Variants in MEAK7 observed in about 807,000 individuals in gnomAD.
MEAK7 encodes MTOR-associated protein MEAK7.
Under a neutral mutation model 40.5 loss-of-function variants are expected in MEAK7, and 68 were observed. The ratio of observed to expected loss-of-function variants is 1.68; its 90% confidence interval spans 1.38 to 2.06. MEAK7 has a LOEUF of 2.06. Among genes scored for constraint, MEAK7 ranks in the 30% most tolerant of loss-of-function variants. The pLI is 0.00. For missense variants in MEAK7, 918 were observed against 580.5 expected, an observed-to-expected ratio of 1.58 and a Z score of -5.98; for synonymous variants, 338 against 231.9, an observed-to-expected ratio of 1.46 and a Z score of -4.16.
rs754709743 is a variant in MEAK7, at chr16:84,482,724, G to C, written c.959-14C>G. On this transcript the variant is annotated splice_polypyrimidine_tract_variant and intron_variant, in intron 5 of 7. Coordinates refer to ENST00000343629, the MANE Select transcript of MEAK7 (RefSeq NM_020947.4). The stretch of plus-strand genomic sequence containing the variant: ...ATCTGTTGTCCCCTGAAAGTAGCCA[G>C]AGAACAAAACAAACAGGGTCGGTGT... The C allele has an allele frequency of 1.4e-5, 22 of 1,613,744 alleles. No homozygotes were observed. The East Asian group carries it at 2.9e-4, about 21-fold the overall frequency.
At chr16:84,485,338 G>T (rs991343041) in intron 5 of MEAK7, among the ~76,000 whole-genome samples, 3 of 152,190 alleles carry the variant, frequency 2.0e-5, no homozygotes, top group African/African-American at 7.2e-5. Context: ...TAGAAACAAT[G>T]CAATCTAGGA....
chr16:84,501,899 C>G (rs983955131), intron 1 of MEAK7, among the ~76,000 whole-genome samples: 1 of 152,164 alleles, frequency 6.6e-6, no homozygotes, highest in African/African-American at 2.4e-5. Flanking sequence ...AATCCCAGCA[C>G]TTTGGGAGGC....
chr16:84,488,277 A>T (rs1166758382), intron 4 of MEAK7: 1 of 152,212 alleles, frequency 6.6e-6, no homozygotes, highest in African/African-American at 2.4e-5. Context: ...ACTTACTTGT[A>T]AAATTCTTTC....
intron 4 of MEAK7, chr16:84,488,136 G>A (rs1171047317): frequency 5.9e-5 from 9 of 151,888 alleles, no homozygotes; most frequent in Admixed American, 5.9e-4. Flanking sequence ...GAAATCTTAA[G>A]GATAATTTTA....
chr16:84,481,795 G>C (rs920969194), intron 6 of MEAK7, among the ~76,000 whole-genome samples: 5 of 152,116 alleles, frequency 3.3e-5, no homozygotes, highest in African/African-American at 9.7e-5. Context: ...TTAGCCAGGC[G>C]TGATAGCGGG....
intron 5 of MEAK7, 127 bp downstream of exon 5, chr16:84,486,504 G>T: frequency 1.4e-6 from 2 of 1,449,454 alleles, no homozygotes; most frequent in Non-Finnish European, 1.8e-6. Flanking sequence ...CTATCGCCCC[G>T]ACTGCGTCTA....
Position 84,495,763 on chromosome 16 carries a change from T to C in MEAK7, c.304A>G (p.Asn102Asp). ...TASMSHLLKG[N>D]SEEKSLMIMK... ...ATCATGAGACTCTTCTCCTCGGAGT[T>C]TCCTTTCAACAGGTGGGACATGGAT... The change falls in exon 3 of 8, where the codon AAC (asparagine) becomes GAC (aspartate). Residue 102 changes from asparagine to aspartate, a missense_variant. Asn to Asp is a conservative substitution (Grantham distance 23). Transcript: ENST00000343629. 6.2e-7 allele frequency: 1 copy of C among 1,613,964 alleles called. No individual in the cohort carries two copies. Among genetic ancestry groups the C allele is most frequent in the Non-Finnish European group, 8.5e-7 (1 of 1,179,984 alleles).
At chr16:84,499,301 G>A (rs774830914) in intron 1 of MEAK7, among the ~76,000 whole-genome samples, 1 of 152,134 alleles carries the variant, frequency 6.6e-6, no homozygotes, top group Non-Finnish European at 1.5e-5. Flanking sequence ...GACTTTTTCC[G>A]GAAACCCAGT....
chr16:84,487,167 G>A (rs989704469), intron 4 of MEAK7, 108 bp from the exon 5 acceptor site: 35 of 1,158,712 alleles, frequency 3.0e-5, no homozygotes, highest in Non-Finnish European at 3.9e-5. Flanking sequence ...TGCAATTACT[G>A]AGCACAGAAA....
Position 84,480,673 on chromosome 16 carries a change from C to T in MEAK7, c.1113G>A (p.Trp371Ter), listed in dbSNP as rs780090874. 2.5e-6 allele frequency: 4 copies of T among 1,613,828 alleles called. No individual in the cohort carries two copies. In the African/African-American group the frequency reaches 4.0e-5, roughly 16 times the overall value. ...GTCCTTTCCCAAAATCAACATCCAC[C>T]CAAAGCCCAAAGTAATTGTGCTGCC... ...MGGQHNYFGLWVDVDFGKGHS... is the reference protein window; with the variant it reads ...MGGQHNYFGL Residue 371 changes from tryptophan to a stop codon, truncating the protein, a stop_gained, in exon 7 of 8, where the codon TGG becomes TGA. Coordinates refer to ENST00000343629, the MANE Select transcript of MEAK7 (RefSeq NM_020947.4). LOFTEE classifies it high-confidence loss of function.
Position 84,478,866 on chromosome 16 carries a change from G to A in MEAK7, c.*1047C>T, listed in dbSNP as rs967490112. The stretch of plus-strand genomic sequence containing the variant: ...AGGCCTAGACAGCTGTGACTCAGGT[G>A]CTGGTTCCCAGAGGTCTAGAACCCA... On this transcript the variant is annotated 3_prime_UTR_variant, in exon 8 of 8. Transcript: ENST00000343629. 1 of 152,192 alleles carries A rather than the reference G, an allele frequency of 6.6e-6. No individual in the cohort carries two copies. Among genetic ancestry groups the A allele is most frequent in the Non-Finnish European group, 1.5e-5 (1 of 68,040 alleles). 9.4% of individuals were successfully genotyped at this position (152,192 alleles called of 1,614,324 possible). A position where few individuals can be genotyped will look rare whatever the true frequency, so the allele number is the denominator to read the frequency against.
chr16:84,497,418 C>A (rs772624928), intron 2 of MEAK7: 2 of 1,286,404 alleles, frequency 1.6e-6, no homozygotes, highest in Middle Eastern at 2.1e-4. Flanking sequence ...CAAACACATA[C>A]ACATTCTAGA....
At chr16:84,499,437 T>TG (rs1405306920) in intron 1 of MEAK7, among the ~76,000 whole-genome samples, 2 of 152,138 alleles carry the variant, frequency 1.3e-5, no homozygotes, top group East Asian at 3.9e-4. Flanking sequence ...GCTACTAGGG[T>TG]GGGGCATGAG....
intron 5 of MEAK7, 99 bp downstream of exon 5, chr16:84,486,532 G>T: frequency 6.7e-7 from 1 of 1,486,276 alleles, no homozygotes; most frequent in Non-Finnish European, 8.9e-7. Flanking sequence ...ACTTGGAGAA[G>T]ATGGGAGAGC....
At position 84,486,707 on chromosome 16, in the gene MEAK7, A is replaced by T. The variant is rs748547430; in HGVS notation, c.882T>A (p.Ala294=). Residue 294 remains alanine, a synonymous_variant, in exon 5 of 8, where the codon GCT becomes GCA. Transcript: ENST00000343629. ...GHITHRGPCV[A]VLEDHDKHVF... ...CATGCTTGTCATGGTCCTCGAGGAC[A>T]GCCACACAGGGTCCCCGGTGAGTGA... 7.4e-6 allele frequency: 12 copies of T among 1,613,938 alleles called. No individual in the cohort carries two copies. The highest frequency in any genetic ancestry group is 1.3e-5 in the African/African-American group (1 of 74,926).
At chr16:84,487,327 T>A in intron 4 of MEAK7, 1 of 396,092 alleles carries the variant, frequency 2.5e-6, no homozygotes, top group Non-Finnish European at 4.5e-6. Flanking sequence ...TTAGAATCAG[T>A]TTTCCCCTGT....
At chr16:84,494,013 T>C (rs1913840725) in intron 3 of MEAK7, among the ~76,000 whole-genome samples, 1 of 152,138 alleles carries the variant, frequency 6.6e-6, no homozygotes, top group South Asian at 2.1e-4. Context: ...TTGGCTAGGC[T>C]TGGAGCTTTT....
chr16:84,497,702 A>G (rs1229543406), intron 2 of MEAK7: 2 of 1,433,358 alleles, frequency 1.4e-6, no homozygotes, highest in Non-Finnish European at 1.9e-6. Flanking sequence ...ATGCGTTTAG[A>G]CACTGTCTAT....
rs867546390 is a variant in MEAK7, at chr16:84,498,255, G to C, written c.-25-144C>G. On this transcript the variant is annotated intron_variant, in intron 1 of 7. Coordinates refer to ENST00000343629, the MANE Select transcript of MEAK7 (RefSeq NM_020947.4). ...AACACATCAGAGCTACATAATACTG[G>C]GTTTTGGGTTTTGTTTTTGTTTTGT... 175 of 1,022,780 alleles carry C rather than the reference G, an allele frequency of 1.7e-4. No individual in the cohort carries two copies. In the African/African-American group the frequency reaches 2.7e-3, roughly 16 times the overall value. The allele number at this position is 1,022,780 out of a possible 1,614,324, so 63.4% of individuals were successfully genotyped here. A position where few individuals can be genotyped will look rare whatever the true frequency, so the allele number is the denominator to read the frequency against.
Sources: gnomAD v4.1 joint callset for allele counts (sites outside exome capture counted in the v4.1 genomes callset) on GRCh38, gnomAD v4.1.1 for gene constraint, MANE v1.5 for transcripts, NCBI Gene and HGNC (gene_info 2026-07-23, HGNC 2026-07-21) for gene names.